Variants in MYOM2 observed in about 807,000 individuals in gnomAD.
MYOM2 encodes the protein myomesin 2.
A neutral mutation model predicts 187.6 loss-of-function variants in MYOM2; 254 were observed. The observed-to-expected ratio is 1.35, with a 90% CI of 1.22 to 1.50. MYOM2 has a LOEUF of 1.50. Among genes scored for constraint, MYOM2 ranks in the 40% most tolerant of loss-of-function variants. The pLI is 0.00. For missense variants in MYOM2, 2,796 were observed against 1,924.0 expected (o/e 1.45, Z -8.48); for synonymous variants, 981 against 753.8 (o/e 1.30, Z -4.94).
chr8:2,090,229 A>G (rs2294063), intron 15 of MYOM2, 38 bp downstream of exon 15: 1,396,081 of 1,590,490 alleles, frequency 0.88, 613,534 homozygotes, highest in South Asian at 0.92. Flanking sequence ...GTCAGGATGG[A>G]CTAAGAGTGG....
At chr8:2,051,068 G>A (rs1170270738) in intron 2 of MYOM2, among the ~76,000 whole-genome samples, 195 bp downstream of exon 2, 1 of 152,170 alleles carries the variant, frequency 6.6e-6, no homozygotes, top group Non-Finnish European at 1.5e-5. Context: ...GTTCTGGCAG[G>A]TCCTGCTGGC....
intron 14 of MYOM2, among the ~76,000 whole-genome samples, chr8:2,088,122 G>T (rs1448398636): frequency 1.3e-5 from 2 of 152,040 alleles, no homozygotes; most frequent in African/African-American, 2.4e-5. Flanking sequence ...CTCTTCAGCG[G>T]TGATTTGAGA....
At chr8:2,107,404 C>T (rs565496573) in intron 23 of MYOM2, among the ~76,000 whole-genome samples, 1 of 152,186 alleles carries the variant, frequency 6.6e-6, no homozygotes, top group South Asian at 2.1e-4. Context: ...AAATGATCTC[C>T]AGGGGAGTCC....
At chr8:2,090,247 C>T (rs1796252358) in intron 15 of MYOM2, 56 bp downstream of exon 15, 4 of 1,511,200 alleles carry the variant, frequency 2.6e-6, no homozygotes, top group Non-Finnish European at 3.6e-6. Context: ...TGGGGTGACA[C>T]CAAATAGCCT....
At position 2,143,247 on chromosome 8, in the gene MYOM2, G is replaced by A. The variant is rs1021968923; in HGVS notation, c.4025-154G>A. 22 of 855,332 alleles carry A rather than the reference G, an allele frequency of 2.6e-5. No homozygotes were observed. The Admixed American group carries it at 4.5e-4, about 17-fold the overall frequency. The allele number at this position is 855,332 out of a possible 1,614,324, so 53.0% of individuals were successfully genotyped here. On this transcript the variant is annotated intron_variant, in intron 35 of 36. Transcript: ENST00000262113. ...CTTGGCTTTGGTTTATCCCTCAACT[G>A]TAAACATATAAACCTTTTTCTTTGA...
intron 8 of MYOM2, 135 bp from the exon 9 acceptor site, chr8:2,072,209 CA>C: frequency 1.6e-6 from 1 of 609,036 alleles, no homozygotes; most frequent in Non-Finnish European, 2.9e-6. Flanking sequence ...CCAACCTGGA[CA>C]ACAGAGCGAG....
intron 32 of MYOM2, among the ~76,000 whole-genome samples, chr8:2,134,385 G>T (rs1305676663): frequency 6.6e-6 from 1 of 152,172 alleles, no homozygotes; most frequent in Non-Finnish European, 1.5e-5. Flanking sequence ...TACAACAAAA[G>T]CCATGCTGAT....
At chr8:2,075,731 A>G (rs1209250553) in intron 10 of MYOM2, among the ~76,000 whole-genome samples, 2 of 152,208 alleles carry the variant, frequency 1.3e-5, no homozygotes, top group Admixed American at 6.5e-5. Flanking sequence ...AAATCGCCCA[A>G]TTTCCTAAGG....
intron 32 of MYOM2, among the ~76,000 whole-genome samples, chr8:2,138,602 A>G (rs1323364368): frequency 6.6e-6 from 1 of 152,220 alleles, no homozygotes; most frequent in East Asian, 1.9e-4. Flanking sequence ...AAGTTTAGAT[A>G]GAACCAAAGT....
intron 5 of MYOM2, 96 bp from the exon 6 acceptor site, chr8:2,059,057 A>G: frequency 1.0e-6 from 1 of 965,228 alleles, no homozygotes; most frequent in South Asian, 1.5e-5. Flanking sequence ...GGAAACCTGC[A>G]GAAATGGGCA....
intron 6 of MYOM2, 86 bp from the exon 7 acceptor site, chr8:2,069,192 C>T: frequency 3.1e-6 from 4 of 1,307,722 alleles, no homozygotes; most frequent in Non-Finnish European, 4.3e-6. Flanking sequence ...ATGTGATTTG[C>T]TTTCGAGGAA....
chr8:2,115,025 T>C (rs1045404184), intron 25 of MYOM2, among the ~76,000 whole-genome samples: 5 of 151,144 alleles, frequency 3.3e-5, no homozygotes, highest in Admixed American at 2.0e-4. Context: ...GGCTGATTGA[T>C]GTTTTGAAAG....
intron 3 of MYOM2, among the ~76,000 whole-genome samples, chr8:2,055,281 C>T (rs1026067927): frequency 3.0e-4 from 46 of 152,178 alleles, no homozygotes; most frequent in African/African-American, 1.1e-3. Flanking sequence ...GTGGCACGTG[C>T]TCTGCAGGAG....
At position 2,100,860 on chromosome 8, in the gene MYOM2, G is replaced by C. The variant is rs3779837; in HGVS notation, c.2441-16G>C. On this transcript the variant is annotated splice_polypyrimidine_tract_variant and intron_variant, in intron 19 of 36. Transcript: ENST00000262113. ...TGGCTATGCGCGCAGAAACAAGGTGGCATCTGACTTCACAGGTCCTGCCTA... is the reference window on the plus strand; with the variant it reads ...TGGCTATGCGCGCAGAAACAAGGTGCCATCTGACTTCACAGGTCCTGCCTA... 6.2e-7 allele frequency: 1 copy of C among 1,613,200 alleles called. No homozygotes were observed. The highest frequency in any genetic ancestry group is 1.1e-5 in the South Asian group (1 of 91,028).
At chr8:2,045,447 A>T (rs974013111) in intron 1 of MYOM2, among the ~76,000 whole-genome samples, 2 of 152,312 alleles carry the variant, frequency 1.3e-5, no homozygotes, top group African/African-American at 4.8e-5. Context: ...TTTGGGTTTT[A>T]GCCCTGGTCT....
chr8:2,056,735 T>C (rs1542064), intron 3 of MYOM2, among the ~76,000 whole-genome samples: 116,804 of 151,930 alleles, frequency 0.77, 45,332 homozygotes, highest in East Asian at 0.97. Flanking sequence ...AGCTCACCAT[T>C]TTCCTACATT....
At chr8:2,075,924 G>C (rs1252361449) in intron 10 of MYOM2, among the ~76,000 whole-genome samples, 1 of 152,164 alleles carries the variant, frequency 6.6e-6, no homozygotes, top group East Asian at 1.9e-4. Context: ...GTTTTATCAA[G>C]GATTCTATGT....
intron 6 of MYOM2, among the ~76,000 whole-genome samples, chr8:2,061,408 C>G (rs1295912518): frequency 6.6e-6 from 1 of 152,170 alleles, no homozygotes; most frequent in Non-Finnish European, 1.5e-5. Context: ...GCTTCTCTCC[C>G]TCTGTCTGGC....
At chr8:2,143,275 C>G in intron 35 of MYOM2, 126 bp from the exon 36 acceptor site, 2 of 1,069,306 alleles carry the variant, frequency 1.9e-6, no homozygotes, top group Non-Finnish European at 2.9e-6. Context: ...TTCTTTGATG[C>G]TCGCTCTCTC....
Sources: gnomAD v4.1 joint callset for allele counts (sites outside exome capture counted in the v4.1 genomes callset) on GRCh38, gnomAD v4.1.1 for gene constraint, MANE v1.5 for transcripts, NCBI Gene and HGNC (gene_info 2026-07-23, HGNC 2026-07-21) for gene names.